The following PRTFDC1 variants were observed in gnomAD, a reference collection of about 807,000 sequenced individuals.
The protein encoded by PRTFDC1 is phosphoribosyl transferase domain containing 1.
A neutral mutation model predicts 34.6 loss-of-function variants in PRTFDC1; 38 were observed. The ratio of observed to expected loss-of-function variants is 1.10; its 90% CI spans 0.85 to 1.44. The LOEUF (loss-of-function observed/expected upper bound fraction) is 1.44. Ranked by LOEUF, PRTFDC1 falls within the 40% of genes most tolerant of loss-of-function variation. The pLI, the probability that PRTFDC1 is intolerant of heterozygous loss-of-function variation, is 0.00. For missense variants in PRTFDC1, 270 were observed against 283.0 expected, an observed-to-expected ratio of 0.95 and a Z score of 0.33; for synonymous variants, 93 against 98.1, an observed-to-expected ratio of 0.95 and a Z score of 0.31.
intron 3 of PRTFDC1, among the ~76,000 whole-genome samples, chr10:24,885,897 C>T (rs1163908040): frequency 2.0e-5 from 3 of 152,156 alleles, no homozygotes; most frequent in African/African-American, 7.2e-5. Context: ...TCTGAAAGGC[C>T]ACACACTGTA....
At chr10:24,887,501 C>A (rs1050647250) in intron 3 of PRTFDC1, among the ~76,000 whole-genome samples, 4 of 152,066 alleles carry the variant, frequency 2.6e-5, no homozygotes, top group Non-Finnish European at 5.9e-5. Flanking sequence ...CTCCTTGCTG[C>A]CACCATGTGA....
chr10:24,914,484 T>C (rs906293268), intron 3 of PRTFDC1, among the ~76,000 whole-genome samples: 2 of 152,202 alleles, frequency 1.3e-5, no homozygotes, highest in African/African-American at 4.8e-5. Context: ...CTTAAGGCCA[T>C]TTTGTGCCTC....
At chr10:24,891,014 T>C (rs1848251524) in intron 3 of PRTFDC1, among the ~76,000 whole-genome samples, 1 of 152,096 alleles carries the variant, frequency 6.6e-6, no homozygotes, top group Non-Finnish European at 1.5e-5. Flanking sequence ...GAGGACCCAT[T>C]TGGGAACCCT....
chr10:24,929,371 A>AG, intron 3 of PRTFDC1, among the ~76,000 whole-genome samples: 1 of 152,108 alleles, frequency 6.6e-6, no homozygotes, highest in Non-Finnish European at 1.5e-5. Context: ...CAGCTTCCCC[A>AG]GGGGCCCACA....
intron 4 of PRTFDC1, among the ~76,000 whole-genome samples, chr10:24,866,525 G>A (rs971324647): frequency 6.6e-5 from 10 of 151,864 alleles, no homozygotes; most frequent in Non-Finnish European, 1.0e-4. Context: ...GAGGTTCCTC[G>A]TGAATATGAA....
At chr10:24,864,284 C>A (rs1229647201) in intron 4 of PRTFDC1, among the ~76,000 whole-genome samples, 1 of 152,192 alleles carries the variant, frequency 6.6e-6, no homozygotes, top group Non-Finnish European at 1.5e-5. Context: ...GTTGATAAAG[C>A]AGTAGCATGG....
At chr10:24,884,387 TC>T (rs1466573004) in intron 3 of PRTFDC1, among the ~76,000 whole-genome samples, 2 of 152,112 alleles carry the variant, frequency 1.3e-5, no homozygotes, top group Admixed American at 6.6e-5. Context: ...TTTGACTGAA[TC>T]TATCTTCATG....
At chr10:24,939,387 A>G (rs2132611383) in intron 2 of PRTFDC1, among the ~76,000 whole-genome samples, 1 of 152,266 alleles carries the variant, frequency 6.6e-6, no homozygotes, top group African/African-American at 2.4e-5. Flanking sequence ...AATAGTTATA[A>G]ATACGATAGA....
chr10:24,946,767 C>A (rs1435743540), intron 1 of PRTFDC1, among the ~76,000 whole-genome samples: 1 of 152,212 alleles, frequency 6.6e-6, no homozygotes, highest in Non-Finnish European at 1.5e-5. Context: ...AATCATTTAA[C>A]AACAAATTAT....
intron 1 of PRTFDC1, among the ~76,000 whole-genome samples, chr10:24,942,803 A>G (rs1849185650): frequency 6.6e-6 from 1 of 152,034 alleles, no homozygotes; most frequent in Non-Finnish European, 1.5e-5. Context: ...ATGTGCCACT[A>G]CGCCCAGATA....
intron 3 of PRTFDC1, among the ~76,000 whole-genome samples, chr10:24,901,350 G>C (rs778193208): frequency 6.6e-6 from 1 of 152,286 alleles, no homozygotes. Flanking sequence ...GCCTGAGAGA[G>C]TGTAATAAAA....
chr10:24,886,983 A>G (rs1848179065), intron 3 of PRTFDC1, among the ~76,000 whole-genome samples: 1 of 27,916 alleles, frequency 3.6e-5, no homozygotes, highest in Admixed American at 4.9e-4. Flanking sequence ...TTTTTTTTTG[A>G]GACGGAGTCT....
At chr10:24,925,798 C>A (rs1848863006) in intron 3 of PRTFDC1, among the ~76,000 whole-genome samples, 1 of 152,178 alleles carries the variant, frequency 6.6e-6, no homozygotes, top group Admixed American at 6.5e-5. Flanking sequence ...CATCTACTGG[C>A]TCGACCTCAT....
intron 4 of PRTFDC1, among the ~76,000 whole-genome samples, chr10:24,866,844 A>C (rs1847788316): frequency 2.6e-5 from 4 of 151,846 alleles, no homozygotes; most frequent in Admixed American, 2.6e-4. Context: ...GAGAGAAAGG[A>C]ATTTTAAAAA....
At chr10:24,872,204 C>T in intron 3 of PRTFDC1, 141 bp from the exon 4 acceptor site, 2 of 691,368 alleles carry the variant, frequency 2.9e-6, no homozygotes. Flanking sequence ...TCATGGTTGC[C>T]TATGGTTACC....
chr10:24,947,248 T>C (rs1379531749), intron 1 of PRTFDC1, among the ~76,000 whole-genome samples: 3 of 152,256 alleles, frequency 2.0e-5, no homozygotes, highest in African/African-American at 7.2e-5. Context: ...GAGTTTTCAT[T>C]GTTGAGATGA....
chr10:24,894,405 C>T (rs1160420493), intron 3 of PRTFDC1, among the ~76,000 whole-genome samples: 4 of 151,846 alleles, frequency 2.6e-5, no homozygotes, highest in Non-Finnish European at 4.4e-5. Context: ...GGAAGTGCTG[C>T]ATGAGCTGTG....
intron 4 of PRTFDC1, among the ~76,000 whole-genome samples, chr10:24,867,297 T>C (rs1847796865): frequency 1.3e-5 from 2 of 152,182 alleles, no homozygotes; most frequent in South Asian, 4.1e-4. Flanking sequence ...GATACCACGA[T>C]TCCTTCTCTT....
intron 3 of PRTFDC1, among the ~76,000 whole-genome samples, chr10:24,936,360 C>T (rs997639689): frequency 6.6e-6 from 1 of 151,696 alleles, no homozygotes; most frequent in Non-Finnish European, 1.5e-5. Flanking sequence ...CTCACTGCAG[C>T]CTCTGTCTCC....
Sources: gnomAD v4.1 joint callset for allele counts (sites outside exome capture counted in the v4.1 genomes callset) on GRCh38, gnomAD v4.1.1 for gene constraint, MANE v1.5 for transcripts, NCBI Gene and HGNC (gene_info 2026-07-23, HGNC 2026-07-21) for gene names.